LDB2: variants seen among roughly 807,000 people sequenced by gnomAD.
LDB2 encodes the protein LIM domain binding 2, also known as LIM domain-binding protein 2.
LDB2 carries 12 observed loss-of-function variants against 44.3 expected under a neutral mutation model. That is an observed-to-expected ratio of 0.27 (90% CI 0.17 to 0.44). The LOEUF is 0.44. Ranked by LOEUF, LDB2 falls within the 20% of genes least tolerant of loss-of-function variation. LDB2 has a pLI of 1.00. For missense variants in LDB2, 344 were observed against 473.5 expected (o/e 0.73, Z 2.54); for synonymous variants, 164 against 174.8 (o/e 0.94, Z 0.49).
chr4:16,671,362 T>G (rs1744718865), intron 2 of LDB2, among the ~76,000 whole-genome samples: 1 of 152,002 alleles, frequency 6.6e-6, no homozygotes, highest in South Asian at 2.1e-4. Context: ...GTCTCCCAGG[T>G]TTGTTGTGAG....
intron 1 of LDB2, among the ~76,000 whole-genome samples, chr4:16,845,302 A>C (rs1279657676): frequency 1.3e-5 from 2 of 152,170 alleles, no homozygotes; most frequent in African/African-American, 4.8e-5. Flanking sequence ...ACTGCAATGC[A>C]TGTCATCGAG....
At chr4:16,882,233 T>C (rs1238789939) in intron 1 of LDB2, among the ~76,000 whole-genome samples, 2 of 152,024 alleles carry the variant, frequency 1.3e-5, no homozygotes, top group Non-Finnish European at 2.9e-5. Context: ...ACTGAGCACA[T>C]AATAAAAAAA....
At chr4:16,510,935 C>T (rs140702569) in intron 6 of LDB2, among the ~76,000 whole-genome samples, 5 of 152,218 alleles carry the variant, frequency 3.3e-5, no homozygotes, top group African/African-American at 9.6e-5. Flanking sequence ...ATTACGTTTT[C>T]TCCATAAAGT....
chr4:16,827,198 C>G (rs768687096), intron 1 of LDB2, among the ~76,000 whole-genome samples: 3 of 152,160 alleles, frequency 2.0e-5, no homozygotes, highest in Non-Finnish European at 2.9e-5. Flanking sequence ...CTTGAAGGCA[C>G]TACCCGTCTC....
chr4:16,507,321 G>A (rs1421282797), intron 7 of LDB2: 1 of 152,204 alleles, frequency 6.6e-6, no homozygotes, highest in Non-Finnish European at 1.5e-5. Flanking sequence ...CAGGAGAAGA[G>A]AAACAATGGC....
At chr4:16,747,912 C>T (rs969875582) in intron 2 of LDB2, among the ~76,000 whole-genome samples, 3 of 152,058 alleles carry the variant, frequency 2.0e-5, no homozygotes, top group Non-Finnish European at 2.9e-5. Flanking sequence ...CAACCTCATC[C>T]TGACATAGCA....
chr4:16,546,373 G>A (rs1208609468), intron 5 of LDB2, among the ~76,000 whole-genome samples: 1 of 152,136 alleles, frequency 6.6e-6, no homozygotes, highest in African/African-American at 2.4e-5. Flanking sequence ...TAAAGGAAAT[G>A]GAAAGTCAAA....
At chr4:16,843,032 C>G (rs762864030) in intron 1 of LDB2, among the ~76,000 whole-genome samples, 3 of 152,150 alleles carry the variant, frequency 2.0e-5, no homozygotes, top group African/African-American at 4.8e-5. Context: ...AGTCTTACCA[C>G]GCAGCCATTT....
intron 1 of LDB2, among the ~76,000 whole-genome samples, chr4:16,857,812 A>G (rs1418546231): frequency 6.6e-6 from 1 of 151,970 alleles, no homozygotes; most frequent in African/African-American, 2.4e-5. Flanking sequence ...TCCCGACCCA[A>G]CTTCTTTACT....
chr4:16,558,498 G>A (rs925930305), intron 5 of LDB2, among the ~76,000 whole-genome samples: 13 of 152,142 alleles, frequency 8.5e-5, no homozygotes, highest in Admixed American at 7.2e-4. Flanking sequence ...AGCGAGAAGG[G>A]AAGTTTAGAG....
At chr4:16,741,271 T>C (rs774480063) in intron 2 of LDB2, among the ~76,000 whole-genome samples, 6 of 152,220 alleles carry the variant, frequency 3.9e-5, no homozygotes, top group Non-Finnish European at 7.4e-5. Context: ...AGTTGTGATA[T>C]ATTCATTCAA....
At chr4:16,847,782 A>T (rs1787370002) in intron 1 of LDB2, among the ~76,000 whole-genome samples, 1 of 152,070 alleles carries the variant, frequency 6.6e-6, no homozygotes. Flanking sequence ...GTGCCCAGCT[A>T]ATTTTTTGTA....
At chr4:16,881,289 A>G (rs1720017175) in intron 1 of LDB2, among the ~76,000 whole-genome samples, 1 of 152,188 alleles carries the variant, frequency 6.6e-6, no homozygotes, top group Non-Finnish European at 1.5e-5. Context: ...TGGGCTAATT[A>G]CTAAGCCTCT....
intron 5 of LDB2, among the ~76,000 whole-genome samples, chr4:16,567,630 T>C (rs1008554010): frequency 3.3e-5 from 5 of 151,734 alleles, no homozygotes; most frequent in South Asian, 2.1e-4. Flanking sequence ...ATTAGCTGGG[T>C]GTGGTGGCGG....
chr4:16,712,695 T>A (rs1021575108), intron 2 of LDB2, among the ~76,000 whole-genome samples: 2 of 152,172 alleles, frequency 1.3e-5, no homozygotes, highest in Non-Finnish European at 2.9e-5. Context: ...ATGGCTATAA[T>A]CATACAATCA....
intron 1 of LDB2, among the ~76,000 whole-genome samples, chr4:16,874,789 C>A (rs1485511889): frequency 6.6e-6 from 1 of 152,176 alleles, no homozygotes; most frequent in Non-Finnish European, 1.5e-5. Context: ...AGTTGAAGAA[C>A]AATTCTAAAC....
In LDB2 at chr4:16,582,005, GGAA is replaced by G. The variant is rs1277117372; in HGVS notation, c.615+3914_615+3916del. 2.2e-4 allele frequency among the ~76,000 whole-genome samples: 6 copies of G among 27,546 alleles called. No individual in the cohort carries two copies. Among genetic ancestry groups the G allele is most frequent in the Admixed American group, 6.8e-4 (2 of 2,920 alleles). The allele number at this position is 27,546 out of a possible 152,430, so 18.1% of individuals were successfully genotyped here. A position where few individuals can be genotyped will look rare whatever the true frequency, so the allele number is the denominator to read the frequency against. ...AAGGGAAGGAAGGGAAGGAAGGGAA[GGAA>G]GGAAGGAAGGAAGGAAGGAAGGAAG... On this transcript the variant is annotated intron_variant, in intron 5 of 7. Coordinates refer to ENST00000304523, the MANE Select transcript of LDB2 (RefSeq NM_001290.5). The surrounding 1 kb of genome is among the most constrained non-coding windows in gnomAD (Gnocchi z 4.8).
chr4:16,863,656 CTTTTTTT>C (rs143950913), intron 1 of LDB2, among the ~76,000 whole-genome samples: 8 of 91,926 alleles, frequency 8.7e-5, no homozygotes, highest in African/African-American at 1.4e-4. Context: ...CTCACATTCT[CTTTTTTT>C]TTTTTTTTTT....
intron 2 of LDB2, among the ~76,000 whole-genome samples, chr4:16,679,865 C>T (rs1233802460): frequency 1.3e-5 from 2 of 152,210 alleles, no homozygotes; most frequent in Non-Finnish European, 2.9e-5. Flanking sequence ...GTAGCTCAGC[C>T]ACTTATGTCT....
Sources: gnomAD v4.1 joint callset for allele counts (sites outside exome capture counted in the v4.1 genomes callset) on GRCh38, gnomAD v4.1.1 for gene constraint, Gnocchi (gnomAD v3.1) non-coding constraint, MANE v1.5 for transcripts, NCBI Gene and HGNC (gene_info 2026-07-23, HGNC 2026-07-21) for gene names.